The following CATSPERG variants were observed in gnomAD, a reference collection of about 807,000 sequenced individuals.
CATSPERG encodes cation channel sperm-associated auxiliary subunit gamma.
In CATSPERG, 115 loss-of-function variants were observed where a neutral mutation model predicts 145.0. The ratio of observed to expected loss-of-function variants is 0.79; its 90% CI spans 0.68 to 0.93. The LOEUF (loss-of-function observed/expected upper bound fraction) is 0.93, where lower values mean the gene tolerates loss of function less well. Ranked by LOEUF, CATSPERG falls within the 40% of genes least tolerant of loss-of-function variation. CATSPERG has a pLI of 0.00. For missense variants in CATSPERG, 1,296 were observed against 1,490.1 expected (o/e 0.87, Z 2.14); for synonymous variants, 588 against 589.0 (o/e 1.00, Z 0.02).
intron 22 of CATSPERG, chr19:38,365,568 G>A (rs118133064): frequency 0.012 from 2,078 of 168,778 alleles, 21 homozygotes; most frequent in Middle Eastern, 0.028. Context: ...CACCATGCCC[G>A]GCCTAACTCC....
At chr19:38,355,923 G>A (rs1663448660) in intron 9 of CATSPERG, among the ~76,000 whole-genome samples, 1 of 152,104 alleles carries the variant, frequency 6.6e-6, no homozygotes, top group African/African-American at 2.4e-5. Context: ...CTCTCGATAT[G>A]TAACTTGACC....
At position 38,362,979 on chromosome 19, in the gene CATSPERG, C is replaced by T. The variant is rs545114957; in HGVS notation, c.2475+147C>T. ...TCTTGGCCTCCTGGGCTCAAGCGAT[C>T]CTCCTCCCTCAACCTCCTGAGTAGC... On this transcript the variant is annotated intron_variant, in intron 20 of 28. Coordinates refer to ENST00000409235, the MANE Select transcript of CATSPERG (RefSeq NM_021185.5). 507 of 625,344 alleles carry T rather than the reference C, an allele frequency of 8.1e-4. 3 individuals are homozygous for T. The highest frequency in any genetic ancestry group is 2.8e-3 in the South Asian group (141 of 50,158). The allele number at this position is 625,344 out of a possible 1,614,324, so 38.7% of individuals were successfully genotyped here.
intron 8 of CATSPERG, among the ~76,000 whole-genome samples, chr19:38,353,211 G>A (rs1970178271): frequency 1.3e-5 from 2 of 151,410 alleles, no homozygotes; most frequent in Non-Finnish European, 2.9e-5. Flanking sequence ...GTGGGCACCT[G>A]TTATTCCAGC....
intron 3 of CATSPERG, chr19:38,337,873 C>T (rs372340907): frequency 2.5e-6 from 1 of 398,874 alleles, no homozygotes; most frequent in South Asian, 3.1e-5. Context: ...CATGTGACAC[C>T]ACGCCCGGCT....
intron 6 of CATSPERG, among the ~76,000 whole-genome samples, chr19:38,345,186 C>CTCCCA (rs1970019884): frequency 6.6e-6 from 1 of 151,382 alleles, no homozygotes; most frequent in Non-Finnish European, 1.5e-5. Context: ...CTCCACCTCC[C>CTCCCA]AGGTTCAAGC....
At chr19:38,370,336 C>A (rs1970525259) in intron 28 of CATSPERG, 78 bp downstream of exon 28, 1 of 1,454,872 alleles carries the variant, frequency 6.9e-7, no homozygotes, top group Non-Finnish European at 9.6e-7. Flanking sequence ...TATACCTTCG[C>A]TCATTCATTC....
intron 22 of CATSPERG, 44 bp downstream of exon 22, chr19:38,365,161 G>A: frequency 1.3e-6 from 2 of 1,569,490 alleles, no homozygotes; most frequent in Non-Finnish European, 1.8e-6. Context: ...GGAAGGTTGG[G>A]GTCGGGTCTC....
intron 6 of CATSPERG, among the ~76,000 whole-genome samples, chr19:38,345,886 C>T (rs1222383917): frequency 6.6e-6 from 1 of 152,170 alleles, no homozygotes; most frequent in Non-Finnish European, 1.5e-5. Context: ...TTACTGAGCA[C>T]ACGTTGTTGC....
chr19:38,336,644 G>C (rs983840160), intron 1 of CATSPERG: 1 of 237,554 alleles, frequency 4.2e-6, no homozygotes, highest in African/African-American at 2.3e-5. Context: ...GTGCGAGGGT[G>C]GGGCAAGAGG....
At chr19:38,344,736 A>G (rs1600449425) in intron 6 of CATSPERG, among the ~76,000 whole-genome samples, 1 of 114,204 alleles carries the variant, frequency 8.8e-6, no homozygotes, top group Non-Finnish European at 1.9e-5. Context: ...CATATATAGT[A>G]CATACCTGTA....
intron 16 of CATSPERG, 34 bp downstream of exon 16, chr19:38,360,877 G>A (rs751993413): frequency 2.4e-5 from 37 of 1,540,518 alleles, no homozygotes; most frequent in Non-Finnish European, 3.1e-5. Flanking sequence ...AGGGGTCTGA[G>A]GGCTCCCGGC....
intron 7 of CATSPERG, among the ~76,000 whole-genome samples, chr19:38,350,029 A>G (rs551833885): frequency 1.2e-4 from 19 of 152,040 alleles, no homozygotes; most frequent in Non-Finnish European, 2.5e-4. Flanking sequence ...TCTCTTCACC[A>G]TCCCCTGGGC....
At position 38,352,404 on chromosome 19, in the gene CATSPERG, C is replaced by A; in HGVS notation, c.969C>A (p.Thr323=). Residue 323 remains threonine (T), a synonymous_variant, in exon 8 of 29, where the codon ACC becomes ACA. Coordinates refer to ENST00000409235, the MANE Select transcript of CATSPERG (RefSeq NM_021185.5). ...TCTACTATTTTACAGGCACCTATAC[C>A]ACACTCTATGAGAGAAACCGCGGCA... ...QLVYYFTGTY[T]TLYERNRGSG... 6.4e-7 allele frequency: 1 copy of A among 1,551,920 alleles called. No individual in the cohort carries two copies. Among genetic ancestry groups the A allele is most frequent in the Non-Finnish European group, 8.7e-7 (1 of 1,147,104 alleles).
At chr19:38,337,701 C>T in intron 3 of CATSPERG, 55 bp downstream of exon 3, 1 of 1,385,316 alleles carries the variant, frequency 7.2e-7, no homozygotes, top group Non-Finnish European at 9.8e-7. Flanking sequence ...TTTCCCACCT[C>T]TAACATTTTT....
At chr19:38,353,990 CAAAAAAAA>C (rs965226814) in intron 8 of CATSPERG, among the ~76,000 whole-genome samples, 14 of 30,588 alleles carry the variant, frequency 4.6e-4, no homozygotes, top group African/African-American at 8.2e-4. Context: ...GACTCTGTCT[CAAAAAAAA>C]AAAAAAAAAA....
At position 38,337,147 on chromosome 19, in the gene CATSPERG, A is replaced by G; in HGVS notation, c.-14-74A>G. 3 of 1,505,410 alleles carry G rather than the reference A, an allele frequency of 2.0e-6. No homozygotes were observed. In the South Asian group the frequency reaches 3.7e-5, roughly 19 times the overall value. 93.3% of individuals were successfully genotyped at this position (1,505,410 alleles called of 1,614,324 possible). Reference sequence around the variant, plus strand: ...GGAGCAAGTGCTGTGAGAGGCGCAGAAGCGAGGTGGAATCTTAAAAGTGGG... The same window carrying G: ...GGAGCAAGTGCTGTGAGAGGCGCAGGAGCGAGGTGGAATCTTAAAAGTGGG... On this transcript the variant is annotated intron_variant, in intron 1 of 28. Transcript: ENST00000409235.
In CATSPERG at chr19:38,361,857, A is replaced by T; in HGVS notation, c.2090A>T (p.Asp697Val). Reference protein sequence around the residue: ...YYLLWLHSVYDKPYADPVHDP... With the variant: ...YYLLWLHSVYVKPYADPVHDP... ...CTGCTGTGGCTGCACTCCGTGTACG[A>T]CAAGGTGGGCGTCCGGCGGCGGGCG... Residue 697 changes from aspartate to valine, a missense_variant, in exon 17 of 29, where the codon GAC becomes GTC. Physicochemically the swap from Asp to Val is radical, Grantham distance 152. Transcript: ENST00000409235. The T allele has an allele frequency of 1.2e-6, 2 of 1,603,816 alleles. No individual in the cohort carries two copies. Among genetic ancestry groups the T allele is most frequent in the Non-Finnish European group, 8.5e-7 (1 of 1,174,648 alleles).
At position 38,344,510 on chromosome 19, in the gene CATSPERG, C is replaced by T. The variant is rs1360642069; in HGVS notation, c.669+142C>T. ...CACATGAAGATCCCATTAATCTCCC[C>T]AGTGACCTGTCGAGGGGACGTACTC... On this transcript the variant is annotated intron_variant, in intron 6 of 28. Transcript: ENST00000409235. 1.1e-5 allele frequency: 8 copies of T among 732,296 alleles called. No homozygotes were observed. The East Asian group carries it at 2.2e-4, about 20-fold the overall frequency. The allele number at this position is 732,296 out of a possible 1,614,324, so 45.4% of individuals were successfully genotyped here.
chr19:38,350,265 T>C (rs747759338), intron 7 of CATSPERG, among the ~76,000 whole-genome samples: 7 of 152,190 alleles, frequency 4.6e-5, no homozygotes, highest in Admixed American at 6.5e-5. Flanking sequence ...TTACTAGCCA[T>C]CTCCTAAAAG....
Sources: allele counts gnomAD v4.1 joint callset (sites outside exome capture counted in the v4.1 genomes callset), GRCh38; gene constraint gnomAD v4.1.1; transcripts MANE v1.5; gene names NCBI Gene and HGNC (gene_info 2026-07-23, HGNC 2026-07-21).